Variants in IRF2BP2 observed in about 807,000 individuals in gnomAD.
The protein encoded by IRF2BP2 is interferon regulatory factor 2 binding protein 2, also known as interferon regulatory factor 2-binding protein 2.
In IRF2BP2, 13 loss-of-function variants were observed where a neutral mutation model predicts 32.7. The observed-to-expected ratio is 0.40, with a 90% CI of 0.26 to 0.63. IRF2BP2 has a LOEUF of 0.63. IRF2BP2 is among the 30% of genes least tolerant of loss of function. The pLI, the probability that IRF2BP2 is intolerant of heterozygous loss-of-function variation, is 0.42. For synonymous variants in IRF2BP2, 555 were observed against 384.6 expected (o/e 1.44, Z -5.18); for missense variants, 980 against 830.6 (o/e 1.18, Z -2.21).
rs142351268 is a variant in IRF2BP2 at position 234,607,053 on chromosome 1, G to GATAT, written c.*80_*83dup. Reference sequence around the variant, plus strand: ...TGAAGTCTACATTTCCCTTGTCTTGGATATATATATATATGGAGATATATA... The same window carrying GATAT: ...TGAAGTCTACATTTCCCTTGTCTTGGATATATATATATATATATGGAGATATATA... On this transcript the variant is annotated 3_prime_UTR_variant, in exon 2 of 2. Coordinates refer to ENST00000366609, the MANE Select transcript of IRF2BP2 (RefSeq NM_182972.3). 26 of 925,268 alleles carry GATAT rather than the reference G, an allele frequency of 2.8e-5. No individual in the cohort carries two copies. The African/African-American group carries it at 3.4e-4, about 12-fold the overall frequency. The allele number at this position is 925,268 out of a possible 1,614,324, so 57.3% of individuals were successfully genotyped here.
intron 1 of IRF2BP2, 32 bp from the exon 2 acceptor site, chr1:234,607,884 TA>T: frequency 6.7e-7 from 1 of 1,485,732 alleles, no homozygotes. Context: ...AGGAAAAAGG[TA>T]ACATAAGTGG....
In IRF2BP2 at chr1:234,609,007, G is replaced by C. The variant is rs1189643695; in HGVS notation, c.488C>G (p.Ser163Cys). 2 of 1,336,896 alleles carry C rather than the reference G, an allele frequency of 1.5e-6. No homozygotes were observed. The highest frequency in any genetic ancestry group is 9.5e-7 in the Non-Finnish European group (1 of 1,048,460). The allele number at this position is 1,336,896 out of a possible 1,614,324, so 82.8% of individuals were successfully genotyped here. A position where few individuals can be genotyped will look rare whatever the true frequency, so the allele number is the denominator to read the frequency against. Reference sequence around the variant, plus strand: ...CAGCTCGGGCGGCTCCTCTAGCTTGGAGAAGCCGTTGGGCACCAGGATGCC... The same window carrying C: ...CAGCTCGGGCGGCTCCTCTAGCTTGCAGAAGCCGTTGGGCACCAGGATGCC... The part of the protein sequence containing the change: ...VNGILVPNGF[S>C]KLEEPPELNR... Residue 163 changes from serine to cysteine, a missense_variant, in exon 1 of 2, where the codon TCC (serine) becomes TGC (cysteine). Coordinates refer to ENST00000366609, the MANE Select transcript of IRF2BP2 (RefSeq NM_182972.3).
In IRF2BP2 at chr1:234,609,310, G is replaced by C; in HGVS notation, c.185C>G (p.Ala62Gly). The part of the protein sequence containing the change: ...VIETARQLKR[A>G]HGCFPEGRSP... ...GCGACCCTCCGGGAAGCAGCCGTGC[G>C]CCCGCTTGAGCTGCCGCGCCGTCTC... Residue 62 changes from alanine to glycine, a missense_variant, in exon 1 of 2, where the codon GCG (alanine) becomes GGG (glycine). Coordinates refer to ENST00000366609, the MANE Select transcript of IRF2BP2 (RefSeq NM_182972.3). 1 of 1,500,962 alleles carries C rather than the reference G, an allele frequency of 6.7e-7. No individual in the cohort carries two copies. Among genetic ancestry groups the C allele is most frequent in the Non-Finnish European group, 8.9e-7 (1 of 1,125,558 alleles). 93.0% of individuals were successfully genotyped at this position (1,500,962 alleles called of 1,614,324 possible). A position where few individuals can be genotyped will look rare whatever the true frequency, so the allele number is the denominator to read the frequency against.
intron 1 of IRF2BP2, 128 bp downstream of exon 1, chr1:234,608,319 G>A (rs1267993703): frequency 1.3e-5 from 10 of 775,790 alleles, no homozygotes; most frequent in Admixed American, 3.3e-5. Flanking sequence ...TCCGCCTCAG[G>A]CAGATCAGGA....
chr1:234,607,966 A>C, intron 1 of IRF2BP2, 114 bp from the exon 2 acceptor site: 1 of 814,978 alleles, frequency 1.2e-6, no homozygotes, highest in Non-Finnish European at 1.9e-6. Flanking sequence ...TCCTCTCTAA[A>C]AGCACAGACA....
chr1:234,608,492 T>G lies in IRF2BP2; in HGVS notation c.1003A>C (p.Arg335=). 6.2e-7 allele frequency: 1 copy of G among 1,605,756 alleles called. No individual in the cohort carries two copies. The highest frequency in any genetic ancestry group is 1.3e-5 in the African/African-American group (1 of 74,790). Residue 335 remains arginine, a synonymous_variant, in exon 1 of 2, where the codon AGG becomes CGG. Coordinates refer to ENST00000366609, the MANE Select transcript of IRF2BP2 (RefSeq NM_182972.3). Reference sequence around the variant, plus strand: ...CCGTTGGCCTCGAAACCCAACAACCTGCCTGCAGTCAGGGCCGGCTCCTTC... The same window carrying G: ...CCGTTGGCCTCGAAACCCAACAACCGGCCTGCAGTCAGGGCCGGCTCCTTC... ...FKKEPALTAG[R]LLGFEANGAN...
In IRF2BP2 at chr1:234,609,179, C is replaced by G; in HGVS notation, c.316G>C (p.Ala106Pro). Residue 106 changes from alanine to proline, a missense_variant, in exon 1 of 2, where the codon GCG (alanine) becomes CCG (proline). Physicochemically the swap from Ala to Pro is conservative, Grantham distance 27 (BLOSUM62 -1). Transcript: ENST00000366609. ...AAGGCCTGCGGCGCGCGCGGGGCCG[C>G]CTCGGGGCCGCCGTGGCCAAGCTGC... ...QQQLGHGGPE[A>P]APRAPQALER... 7.8e-7 allele frequency: 1 copy of G among 1,288,250 alleles called. No homozygotes were observed. The highest frequency in any genetic ancestry group is 9.8e-7 in the Non-Finnish European group (1 of 1,022,012). 79.8% of individuals were successfully genotyped at this position (1,288,250 alleles called of 1,614,324 possible).
At position 234,606,938 on chromosome 1, in the gene IRF2BP2, AT is replaced by A. The variant is rs1055632068; in HGVS notation, c.*198del. 52 of 481,080 alleles carry A rather than the reference AT, an allele frequency of 1.1e-4. No individual in the cohort carries two copies. Among genetic ancestry groups the A allele is most frequent in the African/African-American group, 7.8e-4 (40 of 51,498 alleles). 29.8% of individuals were successfully genotyped at this position (481,080 alleles called of 1,614,324 possible). ...CTAATAACGTTAACAAAAGAAAAAA[AT>A]GTCTTTATAAGTACATACCTTTTGT... is the stretch of plus-strand genomic sequence containing the variant. On this transcript the variant is annotated 3_prime_UTR_variant, in exon 2 of 2. Transcript: ENST00000366609.
In IRF2BP2 at chr1:234,607,234, G is replaced by C; in HGVS notation, c.1667C>G (p.Pro556Arg). Reference protein sequence around the residue: ...EVYCPSGEKCPLVGSNVPWAF... With the variant: ...EVYCPSGEKCRLVGSNVPWAF... Reference sequence around the variant, plus strand: ...CCAGGGGACATTGGAGCCCACAAGAGGGCATTTTTCCCCACTGGGACAATA... The same window carrying C: ...CCAGGGGACATTGGAGCCCACAAGACGGCATTTTTCCCCACTGGGACAATA... The change falls in exon 2 of 2, where the codon CCT (proline) becomes CGT (arginine). Residue 556 changes from proline (P) to arginine (R), a missense_variant. Transcript: ENST00000366609. 6.2e-7 allele frequency: 1 copy of C among 1,614,184 alleles called. No individual in the cohort carries two copies. The highest frequency in any genetic ancestry group is 8.5e-7 in the Non-Finnish European group (1 of 1,180,034).
At position 234,608,828 on chromosome 1, in the gene IRF2BP2, T is replaced by C. The variant is rs1308873079; in HGVS notation, c.667A>G (p.Ser223Gly). The stretch of plus-strand genomic sequence containing the variant: ...TCGGTGGGCTGCGCGGAGCCCAGGC[T>C]GGCGGCCGCGGTTCCGGACACCGCG... Reference protein sequence around the residue: ...LAAVSGTAAASLGSAQPTDLG... With the variant: ...LAAVSGTAAAGLGSAQPTDLG... The change falls in exon 1 of 2, where the codon AGC becomes GGC. Residue 223 changes from serine (S) to glycine (G), a missense_variant. Ser to Gly is a moderately conservative substitution (Grantham distance 56). Coordinates refer to ENST00000366609, the MANE Select transcript of IRF2BP2 (RefSeq NM_182972.3). 7.4e-7 allele frequency: 1 copy of C among 1,357,428 alleles called. No individual in the cohort carries two copies. Among genetic ancestry groups the C allele is most frequent in the Admixed American group, 4.0e-5 (1 of 24,958 alleles). 84.1% of individuals were successfully genotyped at this position (1,357,428 alleles called of 1,614,324 possible). A position where few individuals can be genotyped will look rare whatever the true frequency, so the allele number is the denominator to read the frequency against.
rs1302381236 is a variant in IRF2BP2 at position 234,604,716 on chromosome 1, C to T, written c.*2421G>A. ...ATTAGGATTTGAAATCTGATACTGC[C>T]CATGTACAGTAAGTAGCTTTGTGAC... On this transcript the variant is annotated 3_prime_UTR_variant, in exon 2 of 2. Coordinates refer to ENST00000366609, the MANE Select transcript of IRF2BP2 (RefSeq NM_182972.3). 6.6e-6 allele frequency: 1 copy of T among 152,170 alleles called. No individual in the cohort carries two copies. The highest frequency in any genetic ancestry group is 2.4e-5 in the African/African-American group (1 of 41,436). 9.4% of individuals were successfully genotyped at this position (152,170 alleles called of 1,614,324 possible).
chr1:234,606,576 C>A lies in IRF2BP2; in HGVS notation c.*561G>T, dbSNP rs1296988206. The A allele has an allele frequency of 6.6e-6, 1 of 152,266 alleles. No individual in the cohort carries two copies. Among genetic ancestry groups the A allele is most frequent in the South Asian group, 2.1e-4 (1 of 4,846 alleles). The allele number at this position is 152,266 out of a possible 1,614,324, so 9.4% of individuals were successfully genotyped here. ...TTTGAGCAAAATAGAGATTCAAAAT[C>A]CACTTTCCTACTCCTCTGAGGACAA... is the stretch of plus-strand genomic sequence containing the variant. On this transcript the variant is annotated 3_prime_UTR_variant, in exon 2 of 2. Coordinates refer to ENST00000366609, the MANE Select transcript of IRF2BP2 (RefSeq NM_182972.3).
In IRF2BP2 at chr1:234,608,663, C is replaced by A. The variant is rs1360414372; in HGVS notation, c.832G>T (p.Gly278Trp). ...GPADSLSTAA[G>W]AAELSAEGAG... The stretch of plus-strand genomic sequence containing the variant: ...CCTTCCGCGCTCAGCTCGGCGGCCC[C>A]GGCCGCGGTGGACAGGCTGTCGGCC... Residue 278 changes from glycine (G) to tryptophan (W), a missense_variant, in exon 1 of 2, where the codon GGG (glycine) becomes TGG (tryptophan). Coordinates refer to ENST00000366609, the MANE Select transcript of IRF2BP2 (RefSeq NM_182972.3). 1 of 1,530,648 alleles carries A rather than the reference C, an allele frequency of 6.5e-7. No individual in the cohort carries two copies. Among genetic ancestry groups the A allele is most frequent in the Non-Finnish European group, 8.7e-7 (1 of 1,148,378 alleles). 94.8% of individuals were successfully genotyped at this position (1,530,648 alleles called of 1,614,324 possible).
rs769412896 is a variant in IRF2BP2 at position 234,608,874 on chromosome 1, G to A, written c.621C>T (p.Gly207=). 6.1e-6 allele frequency: 8 copies of A among 1,316,384 alleles called. No homozygotes were observed. The South Asian group carries it at 6.8e-5, about 11-fold the overall frequency. 81.5% of individuals were successfully genotyped at this position (1,316,384 alleles called of 1,614,324 possible). A position where few individuals can be genotyped will look rare whatever the true frequency, so the allele number is the denominator to read the frequency against. ...CCGCGGCTAAGGAGGCGGCAGCGCG[G>A]CCGCCGAGGCCGAGCGCGGTGGGCA... ...TPLPTALGLG[G]RAAASLAAVS... The change falls in exon 1 of 2, where the codon GGC becomes GGT. Residue 207 remains glycine (G), a synonymous_variant. Transcript: ENST00000366609.
At chr1:234,607,926 A>G (rs763988767) in intron 1 of IRF2BP2, 74 bp from the exon 2 acceptor site, 60 of 1,181,478 alleles carry the variant, frequency 5.1e-5, no homozygotes, top group Non-Finnish European at 6.8e-5. Flanking sequence ...TTCTCTTCCT[A>G]ACCCGAAACA....
rs752333463 is a variant in IRF2BP2 at position 234,607,329 on chromosome 1, G to A, written c.1572C>T (p.Val524=). 2 of 1,614,106 alleles carry A rather than the reference G, an allele frequency of 1.2e-6. No individual in the cohort carries two copies. The highest frequency in any genetic ancestry group is 1.3e-5 in the African/African-American group (1 of 74,932). The change falls in exon 2 of 2, where the codon GTC becomes GTT. Residue 524 remains valine, a synonymous_variant. Transcript: ENST00000366609. ...AAGGGAAGCAGAACTTGTGCGAAGG[G>A]ACGGACGGGCACTGCACAAAATGGG... ...EDTHFVQCPS[V]PSHKFCFPCS...
chr1:234,607,793 G>A lies in IRF2BP2; in HGVS notation c.1108C>T (p.Pro370Ser), dbSNP rs149663387. 3 of 1,611,438 alleles carry A rather than the reference G, an allele frequency of 1.9e-6. No individual in the cohort carries two copies. Among genetic ancestry groups the A allele is most frequent in the African/African-American group, 2.7e-5 (2 of 74,950 alleles). Residue 370 changes from proline to serine, a missense_variant, in exon 2 of 2, where the codon CCT (proline) becomes TCT (serine). Physicochemically the swap from Pro to Ser is moderately conservative, Grantham distance 74. Coordinates refer to ENST00000366609, the MANE Select transcript of IRF2BP2 (RefSeq NM_182972.3). ...GGCTGGGCCTCTCCGTTGATCTTAG[G>A]GGGCCCGACTTCACCTTCTGGTTCT... Reference protein sequence around the residue: ...SPEPEGEVGPPKINGEAQPWL... With the variant: ...SPEPEGEVGPSKINGEAQPWL...
rs778919254 is a variant in IRF2BP2, at chr1:234,607,038, A to G, written c.*99T>C. The G allele has an allele frequency of 1.1e-6, 1 of 891,080 alleles. No homozygotes were observed. The highest frequency in any genetic ancestry group is 1.7e-6 in the Non-Finnish European group (1 of 576,518). The allele number at this position is 891,080 out of a possible 1,614,324, so 55.2% of individuals were successfully genotyped here. A position where few individuals can be genotyped will look rare whatever the true frequency, so the allele number is the denominator to read the frequency against. Reference sequence around the variant, plus strand: ...ATACAGCCATGTTTATGAAGTCTACATTTCCCTTGTCTTGGATATATATAT... The same window carrying G: ...ATACAGCCATGTTTATGAAGTCTACGTTTCCCTTGTCTTGGATATATATAT... On this transcript the variant is annotated 3_prime_UTR_variant, in exon 2 of 2. Transcript: ENST00000366609.
intron 1 of IRF2BP2, 113 bp downstream of exon 1, chr1:234,608,334 G>A (rs926157637): frequency 8.2e-6 from 7 of 852,668 alleles, no homozygotes; most frequent in Non-Finnish European, 8.8e-6. Context: ...TCAGGAAGTG[G>A]GGTGTTTGTT....
Sources: allele counts gnomAD v4.1 joint callset, GRCh38; gene constraint gnomAD v4.1.1; transcripts MANE v1.5; gene names NCBI Gene and HGNC (gene_info 2026-07-23, HGNC 2026-07-21).